Variants in DPP8 observed in about 807,000 individuals in gnomAD.
DPP8 encodes the protein DPP VIII.
Under a neutral mutation model 107.5 loss-of-function variants are expected in DPP8, and 31 were observed. The ratio of observed to expected loss-of-function variants is 0.29; its 90% CI spans 0.22 to 0.39. DPP8 has a LOEUF of 0.39. Among genes scored for constraint, DPP8 ranks in the 10% least tolerant of loss-of-function variants. The pLI is 1.00. For missense variants in DPP8, 842 were observed against 1,076.1 expected, an observed-to-expected ratio of 0.78 and a Z score of 3.04; for synonymous variants, 381 against 356.6, an observed-to-expected ratio of 1.07 and a Z score of -0.77.
intron 3 of DPP8, among the ~76,000 whole-genome samples, chr15:65,505,354 CAA>C (rs11311748): frequency 1.3e-3 from 191 of 143,428 alleles, no homozygotes; most frequent in South Asian, 3.1e-3. Flanking sequence ...GACTCTGTCT[CAA>C]AAAAAAAAAA....
intron 17 of DPP8, 24 bp from the exon 18 acceptor site, chr15:65,452,126 C>A: frequency 1.3e-6 from 2 of 1,588,920 alleles, no homozygotes; most frequent in South Asian, 2.3e-5. Flanking sequence ...CATTGACAGT[C>A]AAGTGTGGTC....
rs74021114 is a variant in DPP8 at position 65,511,239 on chromosome 15, T to C, written c.259+1056A>G. The stretch of plus-strand genomic sequence containing the variant: ...ACTGGAGGTCTGGTTAAGTAAAATA[T>C]GGCACAATTATATAATGGAATATTC... On this transcript the variant is annotated intron_variant, in intron 2 of 19. Transcript: ENST00000300141. Among the ~76,000 whole-genome samples, 464 of 152,226 alleles carry C rather than the reference T, an allele frequency of 3.0e-3. 1 individual carries two copies. The highest frequency in any genetic ancestry group is 0.011 in the African/African-American group (447 of 41,518).
intron 19 of DPP8, 43 bp downstream of exon 19, chr15:65,450,956 C>G (rs1271545527): frequency 8.4e-7 from 1 of 1,193,426 alleles, no homozygotes; most frequent in East Asian, 2.4e-5. Context: ...TAATCAATCA[C>G]TAATCATGAC....
intron 12 of DPP8, among the ~76,000 whole-genome samples, chr15:65,472,440 C>A (rs538826587): frequency 2.0e-5 from 3 of 151,822 alleles, no homozygotes; most frequent in African/African-American, 7.3e-5. Flanking sequence ...ACTACAGGTG[C>A]GCATCACCAT....
intron 3 of DPP8, among the ~76,000 whole-genome samples, chr15:65,503,600 G>A (rs1394709456): frequency 6.6e-6 from 1 of 150,778 alleles, no homozygotes; most frequent in African/African-American, 2.4e-5. Flanking sequence ...CACCCCCACC[G>A]CCCTACCTGA....
chr15:65,504,080 G>A (rs535517732), intron 3 of DPP8, among the ~76,000 whole-genome samples: 1 of 152,012 alleles, frequency 6.6e-6, no homozygotes, highest in Non-Finnish European at 1.5e-5. Context: ...AAAAAATTGC[G>A]GGCCGGGTGC....
chr15:65,494,446 C>G (rs140160070), intron 5 of DPP8, among the ~76,000 whole-genome samples: 7,205 of 151,386 alleles, frequency 0.048, 586 homozygotes, highest in African/African-American at 0.17. Flanking sequence ...TGGTCTTGAA[C>G]TCCTGGGCTC....
chr15:65,467,018 A>AT, intron 13 of DPP8, 53 bp downstream of exon 13: 7 of 1,600,014 alleles, frequency 4.4e-6, no homozygotes, highest in Non-Finnish European at 6.0e-6. Flanking sequence ...GGAGTATTAC[A>AT]TAAGCAGAGA....
intron 1 of DPP8, among the ~76,000 whole-genome samples, chr15:65,513,736 CTGCTAATG>C: frequency 3.1e-5 from 1 of 32,150 alleles, no homozygotes; most frequent in South Asian, 1.8e-3. Flanking sequence ...AATATCTCAT[CTGCTAATG>C]TTTATTCTCA....
At chr15:65,479,090 A>C in intron 10 of DPP8, 51 bp from the exon 11 acceptor site, 1 of 1,292,242 alleles carries the variant, frequency 7.7e-7, no homozygotes, top group East Asian at 2.7e-5. Flanking sequence ...AATACTACAT[A>C]ATTCAATTAG....
intron 12 of DPP8, among the ~76,000 whole-genome samples, chr15:65,469,657 A>AC (rs2065680019): frequency 6.9e-6 from 1 of 145,056 alleles, no homozygotes; most frequent in African/African-American, 2.7e-5. Context: ...CCGTCTCAAA[A>AC]AAAAAAAAAA....
chr15:65,474,761 TG>T (rs1306515830), intron 11 of DPP8, among the ~76,000 whole-genome samples: 1 of 152,186 alleles, frequency 6.6e-6, no homozygotes, highest in Non-Finnish European at 1.5e-5. Context: ...GGGCCTGAAT[TG>T]TTTATTTTTA....
chr15:65,485,634 TC>T (rs147778563), intron 7 of DPP8, among the ~76,000 whole-genome samples: 9,576 of 150,754 alleles, frequency 0.064, 317 homozygotes, highest in African/African-American at 0.094. Context: ...TTTTGCCAGA[TC>T]AATTCTCTTT....
At position 65,445,517 on chromosome 15, in the gene DPP8, A is replaced by G. The variant is rs1426215387; in HGVS notation, c.*1367T>C. The G allele has an allele frequency of 6.5e-6, 1 of 153,554 alleles. No individual in the cohort carries two copies. The highest frequency in any genetic ancestry group is 1.9e-4 in the East Asian group (1 of 5,194). 9.5% of individuals were successfully genotyped at this position (153,554 alleles called of 1,614,324 possible). A position where few individuals can be genotyped will look rare whatever the true frequency, so the allele number is the denominator to read the frequency against. The stretch of plus-strand genomic sequence containing the variant: ...GCTAAACCAAGAAAAGTTCATGATC[A>G]TTCAGAAAAACTGTTTACAGGCTTT... On this transcript the variant is annotated 3_prime_UTR_variant, in exon 20 of 20. Coordinates refer to ENST00000300141, the MANE Select transcript of DPP8 (RefSeq NM_130434.5).
At chr15:65,475,061 T>C (rs1192643025) in intron 11 of DPP8, among the ~76,000 whole-genome samples, 3 of 152,244 alleles carry the variant, frequency 2.0e-5, no homozygotes, top group African/African-American at 7.2e-5. Flanking sequence ...TTTCTTTTTG[T>C]AAAACTTTCC....
chr15:65,487,849 G>C, intron 6 of DPP8, 31 bp from the exon 7 acceptor site: 2 of 1,434,836 alleles, frequency 1.4e-6, no homozygotes, highest in South Asian at 1.2e-5. Flanking sequence ...TGAAAATTTA[G>C]AAGAATTATT....
At position 65,446,092 on chromosome 15, in the gene DPP8, G is replaced by A. The variant is rs2063488586; in HGVS notation, c.*792C>T. ...TTTCTTAAAGGAAAAAAAAAAACTT[G>A]CCTGCAAATATTTAAGCTCTAATCA... On this transcript the variant is annotated 3_prime_UTR_variant, in exon 20 of 20. Coordinates refer to ENST00000300141, the MANE Select transcript of DPP8 (RefSeq NM_130434.5). 1.3e-5 allele frequency: 2 copies of A among 151,338 alleles called. No individual in the cohort carries two copies. The highest frequency in any genetic ancestry group is 4.9e-5 in the African/African-American group (2 of 41,186). 9.4% of individuals were successfully genotyped at this position (151,338 alleles called of 1,614,324 possible).
At chr15:65,449,292 T>C (rs1253705439) in intron 19 of DPP8, among the ~76,000 whole-genome samples, 2 of 147,558 alleles carry the variant, frequency 1.4e-5, no homozygotes, top group Non-Finnish European at 1.5e-5. Flanking sequence ...ATAATATATA[T>C]ATTTAAAACA....
intron 15 of DPP8, 45 bp downstream of exon 15, chr15:65,463,716 C>A: frequency 6.7e-7 from 1 of 1,490,162 alleles, no homozygotes; most frequent in Non-Finnish European, 9.2e-7. Flanking sequence ...ATCTAAAATA[C>A]ATATGCATAT....
Sources: gnomAD v4.1 joint callset for allele counts (sites outside exome capture counted in the v4.1 genomes callset) on GRCh38, gnomAD v4.1.1 for gene constraint, MANE v1.5 for transcripts, NCBI Gene and HGNC (gene_info 2026-07-23, HGNC 2026-07-21) for gene names.